UGT2A2: variants seen among roughly 807,000 people sequenced by gnomAD.
The protein encoded by UGT2A2 is UDP glucuronosyltransferase family 2 member A2.
A neutral mutation model predicts 50.7 loss-of-function variants in UGT2A2; 60 were observed. The observed-to-expected ratio is 1.18, with a 90% CI of 0.96 to 1.47. The LOEUF is 1.47. UGT2A2 is among the 40% of genes most tolerant of loss of function. UGT2A2 has a pLI of 0.00. For missense variants in UGT2A2, 762 were observed against 634.0 expected (o/e 1.20, Z -2.17); for synonymous variants, 242 against 214.6 (o/e 1.13, Z -1.11).
intron 5 of UGT2A2, among the ~76,000 whole-genome samples, chr4:69,591,072 T>C (rs1718569876): frequency 6.6e-6 from 1 of 152,202 alleles, no homozygotes; most frequent in Non-Finnish European, 1.5e-5. Flanking sequence ...TTTTTAGGCA[T>C]TTATTTAGAA....
intron 1 of UGT2A2, among the ~76,000 whole-genome samples, chr4:69,638,376 G>A (rs561805209): frequency 3.3e-5 from 5 of 152,248 alleles, no homozygotes; most frequent in African/African-American, 1.2e-4. Context: ...CCACAGGATA[G>A]AGAGAAATTA....
rs1386698833 is a variant in UGT2A2, at chr4:69,605,895, G to C, written c.743-6501C>G. On this transcript the variant is annotated intron_variant, in intron 1 of 5. Transcript: ENST00000604629. ...CAGGAAGACATTGAATCTCTGAATA[G>C]ACCAATAACAGGCTCTGAAATTGAG... Among the ~76,000 whole-genome samples the C allele has an allele frequency of 2.9e-5, 4 of 136,574 alleles. 1 individual carries two copies. The highest frequency in any genetic ancestry group is 7.2e-5 in the Admixed American group (1 of 13,912). 89.6% of individuals were successfully genotyped at this position (136,574 alleles called of 152,430 possible). A position where few individuals can be genotyped will look rare whatever the true frequency, so the allele number is the denominator to read the frequency against.
At chr4:69,625,172 T>C (rs1044243775) in intron 1 of UGT2A2, among the ~76,000 whole-genome samples, 7 of 151,180 alleles carry the variant, frequency 4.6e-5, no homozygotes, top group Non-Finnish European at 1.0e-4. Flanking sequence ...ATTCTTTTTT[T>C]TTCTTTGCTA....
In UGT2A2 at chr4:69,639,229, C is replaced by A; in HGVS notation, c.412G>T (p.Val138Leu). Reference protein sequence around the residue: ...FQINIQLCDGVLKNPKLMARL... With the variant: ...FQINIQLCDGLLKNPKLMARL... The stretch of plus-strand genomic sequence containing the variant: ...GCCATCAACTTTGGGTTCTTTAGTA[C>A]ACCATCACAGAGTTGTATGTTAATT... The change falls in exon 1 of 6, where the codon GTA (valine) becomes TTA (leucine). Residue 138 changes from valine to leucine, a missense_variant. Val to Leu is a conservative substitution (Grantham distance 32). Coordinates refer to ENST00000604629, the MANE Select transcript of UGT2A2 (RefSeq NM_001105677.2). 9.9e-6 allele frequency: 16 copies of A among 1,613,674 alleles called. No individual in the cohort carries two copies. The highest frequency in any genetic ancestry group is 1.4e-5 in the Non-Finnish European group (16 of 1,179,746).
Position 69,629,652 on chromosome 4 carries a change from T to C in UGT2A2, c.742+9247A>G, listed in dbSNP as rs534424317. Among the ~76,000 whole-genome samples, 112 of 152,142 alleles carry C rather than the reference T, an allele frequency of 7.4e-4. 1 individual carries two copies. The highest frequency in any genetic ancestry group is 2.4e-3 in the African/African-American group (101 of 41,548). ...GATAAAACTGCATCCCGTCACCACA[T>C]ATCATTTCTAGGAATATTAAATAAA... On this transcript the variant is annotated intron_variant, in intron 1 of 5. Coordinates refer to ENST00000604629, the MANE Select transcript of UGT2A2 (RefSeq NM_001105677.2).
intron 1 of UGT2A2, among the ~76,000 whole-genome samples, chr4:69,633,228 C>A (rs1721483663): frequency 6.6e-6 from 1 of 152,124 alleles, no homozygotes; most frequent in Admixed American, 6.5e-5. Context: ...ACACTTTATG[C>A]ACTTTTTATC....
chr4:69,612,368 C>T (rs1217740142), intron 1 of UGT2A2, among the ~76,000 whole-genome samples: 3 of 151,908 alleles, frequency 2.0e-5, no homozygotes, highest in Non-Finnish European at 4.4e-5. Context: ...TGTCAAACTA[C>T]CAAAATCATC....
At chr4:69,619,068 T>TAG (rs1401431497) in intron 1 of UGT2A2, among the ~76,000 whole-genome samples, 1 of 151,874 alleles carries the variant, frequency 6.6e-6, no homozygotes, top group Non-Finnish European at 1.5e-5. Flanking sequence ...AATTTATTTA[T>TAG]ATCAGAAAAA....
chr4:69,592,464 C>G (rs1432324), intron 5 of UGT2A2, among the ~76,000 whole-genome samples: 1 of 151,596 alleles, frequency 6.6e-6, no homozygotes, highest in Non-Finnish European at 1.5e-5. Context: ...ACAATAATAG[C>G]GGGAGGGTAA....
At chr4:69,627,534 AAGAG>A (rs150318319) in intron 1 of UGT2A2, among the ~76,000 whole-genome samples, 2 of 139,582 alleles carry the variant, frequency 1.4e-5, no homozygotes, top group South Asian at 4.5e-4. Flanking sequence ...GAAAGAAAGA[AAGAG>A]AGAGAGAGAA....
chr4:69,594,829 T>A, intron 4 of UGT2A2, 133 bp from the exon 5 acceptor site: 1 of 1,147,086 alleles, frequency 8.7e-7, no homozygotes, highest in Non-Finnish European at 1.2e-6. Context: ...GCAGATCACA[T>A]AGGGCATTGG....
At chr4:69,603,492 C>A (rs1316931902) in intron 1 of UGT2A2, 1 of 136,410 alleles carries the variant, frequency 7.3e-6, no homozygotes, top group East Asian at 2.1e-4. Flanking sequence ...AAACTGGAAA[C>A]TCTAAAAATC....
chr4:69,598,150 C>T (rs926869608), intron 2 of UGT2A2, among the ~76,000 whole-genome samples: 2 of 152,002 alleles, frequency 1.3e-5, no homozygotes, highest in South Asian at 2.1e-4. Context: ...CTAGAGCTTG[C>T]CTGCAGCCAT....
intron 1 of UGT2A2, among the ~76,000 whole-genome samples, chr4:69,622,976 C>A (rs1720837783): frequency 6.6e-6 from 1 of 151,764 alleles, no homozygotes; most frequent in Non-Finnish European, 1.5e-5. Flanking sequence ...TCATAAAGGT[C>A]TCTTTAAAAA....
At chr4:69,633,851 T>C (rs1424051469) in intron 1 of UGT2A2, among the ~76,000 whole-genome samples, 1 of 152,116 alleles carries the variant, frequency 6.6e-6, no homozygotes, top group African/African-American at 2.4e-5. Context: ...TCATGTTTTG[T>C]TTATTAATTT....
At chr4:69,634,439 G>A (rs1455017592) in intron 1 of UGT2A2, among the ~76,000 whole-genome samples, 2 of 151,932 alleles carry the variant, frequency 1.3e-5, no homozygotes, top group African/African-American at 4.8e-5. Flanking sequence ...ACGGAGAGAA[G>A]CAATAAATAC....
At chr4:69,626,349 T>C (rs918843016) in intron 1 of UGT2A2, among the ~76,000 whole-genome samples, 13 of 150,994 alleles carry the variant, frequency 8.6e-5, no homozygotes, top group African/African-American at 3.2e-4. Context: ...CCTTTAACCA[T>C]GGCAAAAAAA....
At chr4:69,595,016 C>T (rs998864929) in intron 4 of UGT2A2, 146 bp downstream of exon 4, 2 of 1,179,208 alleles carry the variant, frequency 1.7e-6, no homozygotes, top group Non-Finnish European at 1.2e-6. Flanking sequence ...AAATTAATGG[C>T]CAATTATGTA....
chr4:69,590,462 C>T (rs1197342677), intron 5 of UGT2A2, among the ~76,000 whole-genome samples: 2 of 152,102 alleles, frequency 1.3e-5, no homozygotes, highest in Admixed American at 6.5e-5. Flanking sequence ...TGGTTTGTGT[C>T]TGGAAGAAAA....
Sources: gnomAD v4.1 joint callset for allele counts (sites outside exome capture counted in the v4.1 genomes callset) on GRCh38, gnomAD v4.1.1 for gene constraint, MANE v1.5 for transcripts, NCBI Gene and HGNC (gene_info 2026-07-23, HGNC 2026-07-21) for gene names.